The following GPC6 variants were observed in gnomAD, a reference collection of about 807,000 sequenced individuals.
The protein encoded by GPC6 is glypican-6.
In GPC6, 14 loss-of-function variants were observed where a neutral mutation model predicts 55.2. That is an observed-to-expected ratio of 0.25 (90% CI 0.17 to 0.40). The LOEUF (loss-of-function observed/expected upper bound fraction) is 0.40. GPC6 is among the 10% of genes least tolerant of loss of function. The probability of loss-of-function intolerance (pLI) is 1.00; values close to 1 mark genes in which losing one functional copy is unlikely to be tolerated. For synonymous variants in GPC6, 278 were observed against 259.6 expected, an observed-to-expected ratio of 1.07 and a Z score of -0.68; for missense variants, 641 against 708.5, an observed-to-expected ratio of 0.90 and a Z score of 1.08.
intron 3 of GPC6, among the ~76,000 whole-genome samples, chr13:93,878,916 T>G (rs1182095249): frequency 6.6e-6 from 1 of 152,020 alleles, no homozygotes; most frequent in South Asian, 2.1e-4. Flanking sequence ...TAAAGATATA[T>G]TTAGAAGAGC....
chr13:93,224,163 G>T (rs968038569), upstream of GPC6, among the ~76,000 whole-genome samples: 2 of 150,238 alleles, frequency 1.3e-5, no homozygotes, highest in African/African-American at 2.4e-5. Context: ...CTCCCAAAGT[G>T]CTGGGATTAC....
intron 4 of GPC6, among the ~76,000 whole-genome samples, chr13:94,169,336 G>A (rs898081046): frequency 1.3e-5 from 2 of 152,080 alleles, no homozygotes; most frequent in African/African-American, 4.8e-5. Context: ...AAAGAGGCAG[G>A]CAAAGGATTT....
At chr13:94,242,130 C>T (rs1431802230) in intron 4 of GPC6, among the ~76,000 whole-genome samples, 3 of 151,946 alleles carry the variant, frequency 2.0e-5, no homozygotes, top group Middle Eastern at 3.4e-3. Flanking sequence ...CAAGTGTTCT[C>T]ATTATTCAAT....
intron 4 of GPC6, among the ~76,000 whole-genome samples, chr13:94,158,668 CAGAG>C (rs780699658): frequency 1.5e-4 from 23 of 151,998 alleles, no homozygotes; most frequent in Non-Finnish European, 2.8e-4. Context: ...AAAAATAAGA[CAGAG>C]GGAGTGAAGA....
chr13:94,307,992 G>A (rs1024046507), intron 6 of GPC6, among the ~76,000 whole-genome samples: 1 of 151,950 alleles, frequency 6.6e-6, no homozygotes, highest in Admixed American at 6.6e-5. Context: ...ATAGTGTATT[G>A]TTCACTTAAA....
intron 1 of GPC6, among the ~76,000 whole-genome samples, chr13:93,477,126 C>T (rs1047310836): frequency 3.3e-5 from 5 of 152,062 alleles, no homozygotes; most frequent in African/African-American, 1.2e-4. Context: ...ATGGGTGATG[C>T]ATTCCCAGTG....
At chr13:93,742,028 G>C (rs1443852212) in intron 2 of GPC6, among the ~76,000 whole-genome samples, 1 of 152,210 alleles carries the variant, frequency 6.6e-6, no homozygotes, top group Non-Finnish European at 1.5e-5. Flanking sequence ...AGAGTTGCTT[G>C]ATTAGCCATA....
intron 3 of GPC6, among the ~76,000 whole-genome samples, chr13:93,997,065 C>T (rs532933997): frequency 3.5e-4 from 54 of 152,278 alleles, no homozygotes; most frequent in African/African-American, 1.2e-3. Flanking sequence ...GGTCAAGTAG[C>T]TTCATAAGGG....
At chr13:93,445,032 C>G (rs980481374) in intron 1 of GPC6, among the ~76,000 whole-genome samples, 1 of 152,138 alleles carries the variant, frequency 6.6e-6, no homozygotes, top group African/African-American at 2.4e-5. Context: ...GCTACACCAA[C>G]TCTTTATATC....
chr13:93,691,404 T>A lies in GPC6; in HGVS notation c.320-138750T>A, dbSNP rs187382261. The stretch of plus-strand genomic sequence containing the variant: ...TTTGCTTATTCCTATATATTTTTTT[T>A]AAATTATCTTTAAACTCCTCTGTAT... On this transcript the variant is annotated intron_variant, in intron 2 of 8. Coordinates refer to ENST00000377047, the MANE Select transcript of GPC6 (RefSeq NM_005708.5). 2.6e-3 allele frequency among the ~76,000 whole-genome samples: 402 copies of A among 152,036 alleles called. 5 individuals are homozygous for A. The highest frequency in any genetic ancestry group is 9.2e-3 in the African/African-American group (380 of 41,524).
intron 1 of GPC6, among the ~76,000 whole-genome samples, chr13:93,410,913 G>A (rs970046738): frequency 6.6e-6 from 1 of 152,018 alleles, no homozygotes; most frequent in Non-Finnish European, 1.5e-5. Flanking sequence ...ACAGTTCTAG[G>A]CAAAATTCAG....
intron 1 of GPC6, among the ~76,000 whole-genome samples, chr13:93,234,909 G>C (rs1267519600): frequency 6.6e-6 from 1 of 151,978 alleles, no homozygotes; most frequent in African/African-American, 2.4e-5. Context: ...TCTCAAATAG[G>C]ATCAGATGAA....
chr13:94,202,593 G>A (rs1010200589), intron 4 of GPC6, among the ~76,000 whole-genome samples: 2 of 152,198 alleles, frequency 1.3e-5, no homozygotes, highest in Non-Finnish European at 2.9e-5. Flanking sequence ...CCCACAACAT[G>A]TGGCGATTAT....
chr13:93,351,766 A>C (rs1880641374), intron 1 of GPC6, among the ~76,000 whole-genome samples: 1 of 152,100 alleles, frequency 6.6e-6, no homozygotes, highest in South Asian at 2.1e-4. Flanking sequence ...AACAAAACAA[A>C]ACACAAAAAG....
intron 2 of GPC6, among the ~76,000 whole-genome samples, chr13:93,826,885 G>T (rs1887278780): frequency 6.6e-6 from 1 of 152,116 alleles, no homozygotes; most frequent in Admixed American, 6.6e-5. Context: ...TGCAACAGTG[G>T]TGGTTTTTAT....
At chr13:93,827,792 C>T (rs1225590188) in intron 2 of GPC6, among the ~76,000 whole-genome samples, 1 of 152,056 alleles carries the variant, frequency 6.6e-6, no homozygotes, top group African/African-American at 2.4e-5. Flanking sequence ...TTGGGAAAAA[C>T]AAACCACAAG....
At chr13:94,353,056 A>G (rs1267570658) in intron 6 of GPC6, among the ~76,000 whole-genome samples, 1 of 152,210 alleles carries the variant, frequency 6.6e-6, no homozygotes, top group Non-Finnish European at 1.5e-5. Context: ...TATAACTGAC[A>G]GTAACGTGTG....
At chr13:93,972,770 A>G (rs763400452) in intron 3 of GPC6, among the ~76,000 whole-genome samples, 58 of 152,280 alleles carry the variant, frequency 3.8e-4, no homozygotes, top group Admixed American at 1.3e-3. Context: ...CTTCACCCCA[A>G]TGAGATGCAA....
chr13:93,538,930 T>C (rs986949402), intron 1 of GPC6, among the ~76,000 whole-genome samples: 1 of 137,654 alleles, frequency 7.3e-6, no homozygotes, highest in African/African-American at 2.8e-5. Context: ...ACAATATTCT[T>C]TTTTTTTTTT....
Sources: gnomAD v4.1 joint callset for allele counts (sites outside exome capture counted in the v4.1 genomes callset) on GRCh38, gnomAD v4.1.1 for gene constraint, MANE v1.5 for transcripts, NCBI Gene and HGNC (gene_info 2026-07-23, HGNC 2026-07-21) for gene names.